RAB34: variants seen among roughly 807,000 people sequenced by gnomAD.
RAB34 encodes the protein ras-related protein Rab-34.
Under a neutral mutation model 39.0 loss-of-function variants are expected in RAB34, and 33 were observed. The observed-to-expected ratio is 0.85, with a 90% CI of 0.64 to 1.13. RAB34 has a LOEUF of 1.13. RAB34 is among the 50% of genes most tolerant of loss of function. The pLI, the probability that RAB34 is intolerant of heterozygous loss-of-function variation, is 0.00. For missense variants in RAB34, 289 were observed against 326.1 expected, an observed-to-expected ratio of 0.89 and a Z score of 0.88; for synonymous variants, 135 against 125.1, an observed-to-expected ratio of 1.08 and a Z score of -0.53.
At position 28,717,222 on chromosome 17, in the gene RAB34, C is replaced by A; in HGVS notation, c.45G>T (p.Glu15Asp). The change falls in exon 1 of 10, where the codon GAG (glutamate) becomes GAT (aspartate). Residue 15 changes from glutamate (E) to aspartate (D), a missense_variant. By Grantham distance (45) the Glu-to-Asp change is conservative (BLOSUM62 2). Coordinates refer to ENST00000395245, the MANE Select transcript of RAB34 (RefSeq NM_031934.6). The part of the protein sequence containing the change: ...APVRRDRVLA[E>D]LPQCLRKEAA... ...TGGCCCCGGCGCCTACCTGGGGCAG[C>A]TCCGCCAGGACGCGATCCCTCCGCA... The A allele has an allele frequency of 1.2e-6, 2 of 1,604,486 alleles. No individual in the cohort carries two copies. The highest frequency in any genetic ancestry group is 2.7e-5 in the African/African-American group (2 of 74,900).
upstream of RAB34, chr17:28,718,392 C>T (rs1347783957): frequency 5.3e-6 from 4 of 758,006 alleles, no homozygotes; most frequent in Non-Finnish European, 8.3e-6. Flanking sequence ...CGTCTGAAGT[C>T]TGGCGTCTTT....
In RAB34 at chr17:28,714,679, T is replaced by G; in HGVS notation, c.744A>C (p.Leu248=). 6.2e-7 allele frequency: 1 copy of G among 1,614,044 alleles called. No homozygotes were observed. Among genetic ancestry groups the G allele is most frequent in the Non-Finnish European group, 8.5e-7 (1 of 1,179,994 alleles). The part of the protein sequence containing the change: ...RINSDDSNLY[L]TASKKKPTCC... ...ATGTGGGCTTCTTCTTGCTGGCAGT[T>G]AGGTAGAGGTTGCTGTCATCACTGT... The change falls in exon 10 of 10, where the codon CTA becomes CTC. Residue 248 remains leucine, a synonymous_variant. Transcript: ENST00000395245.
At chr17:28,714,740 G>C in intron 9 of RAB34, 30 bp from the exon 10 acceptor site, 1 of 1,614,148 alleles carries the variant, frequency 6.2e-7, no homozygotes, top group South Asian at 1.1e-5. Flanking sequence ...ATGTGAAGCA[G>C]GGATTGGAGG....
chr17:28,715,458 G>A lies in RAB34; in HGVS notation c.429C>T (p.Thr143=). ...TATATTGCAGGATGCTCACTTACTTGGTATGTTCCAGAGATGCCACATCAT... is the reference window on the plus strand; with the variant it reads ...TATATTGCAGGATGCTCACTTACTTAGTATGTTCCAGAGATGCCACATCAT... ...NLNDVASLEH[T]KQWLADALKE... is the part of the protein sequence containing the mutation. The change falls in exon 6 of 10, where the codon ACC becomes ACT. Residue 143 remains threonine, a splice_region_variant and synonymous_variant. Transcript: ENST00000395245. 7 of 1,613,896 alleles carry A rather than the reference G, an allele frequency of 4.3e-6. No individual in the cohort carries two copies. The highest frequency in any genetic ancestry group is 5.9e-6 in the Non-Finnish European group (7 of 1,180,008).
chr17:28,717,066 T>C, intron 1 of RAB34, 72 bp from the exon 2 acceptor site: 1 of 1,584,334 alleles, frequency 6.3e-7, no homozygotes, highest in South Asian at 1.1e-5. Context: ...GCGGCCCGGG[T>C]AGGGGTGGAG....
rs758617907 is a variant in RAB34, at chr17:28,714,724, G to T, written c.713-14C>A. On this transcript the variant is annotated splice_polypyrimidine_tract_variant and intron_variant, in intron 9 of 9. Transcript: ENST00000395245. ...CACTGTTGATGCCTAAAGAAGGGTGGAAAATATGTGAAGCAGGGATTGGAG... is the reference window on the plus strand; with the variant it reads ...CACTGTTGATGCCTAAAGAAGGGTGTAAAATATGTGAAGCAGGGATTGGAG... The T allele has an allele frequency of 2.5e-6, 4 of 1,614,106 alleles. No homozygotes were observed. The South Asian group carries it at 4.4e-5, about 18-fold the overall frequency.
intron 2 of RAB34, 66 bp downstream of exon 2, chr17:28,716,837 T>G: frequency 1.9e-6 from 3 of 1,547,384 alleles, no homozygotes; most frequent in Non-Finnish European, 2.6e-6. Context: ...GGTGGTTGTT[T>G]ACCCTCGCTA....
Position 28,716,903 on chromosome 17 carries a change from C to G in RAB34, c.146G>C (p.Gly49Ala), listed in dbSNP as rs780553281. ...ACQEHRTGTVGFKISKVIVVG... is the reference protein window; with the variant it reads ...ACQEHRTGTVAFKISKVIVVG... ...TTTGTTGTGGGTGTCCCTAACTCAC[C>G]CCACGGTGCCTGTCCGGTGCTCCTG... The change falls in exon 2 of 10, where the codon GGA becomes GCA. Residue 49 changes from glycine (G) to alanine (A), a missense_variant and splice_region_variant. By Grantham distance (60) the Gly-to-Ala change is moderately conservative (BLOSUM62 0). Coordinates refer to ENST00000395245, the MANE Select transcript of RAB34 (RefSeq NM_031934.6). 3.4e-5 allele frequency: 55 copies of G among 1,611,504 alleles called. No homozygotes were observed. In the Admixed American group the frequency reaches 8.8e-4, roughly 26 times the overall value.
At position 28,717,459 on chromosome 17, in the gene RAB34, T is replaced by C; in HGVS notation, c.-193A>G. The C allele has an allele frequency of 6.8e-7, 1 of 1,460,512 alleles. No individual in the cohort carries two copies. The highest frequency in any genetic ancestry group is 9.0e-7 in the Non-Finnish European group (1 of 1,106,396). 90.5% of individuals were successfully genotyped at this position (1,460,512 alleles called of 1,614,324 possible). A position where few individuals can be genotyped will look rare whatever the true frequency, so the allele number is the denominator to read the frequency against. On this transcript the variant is annotated 5_prime_UTR_variant, in exon 1 of 10. Coordinates refer to ENST00000395245, the MANE Select transcript of RAB34 (RefSeq NM_031934.6). ...ACCGCGGGCCACGGAGATGAAACAATCACCCGGGGCCGCGGCGAGCCCAAA... is the reference window on the plus strand; with the variant it reads ...ACCGCGGGCCACGGAGATGAAACAACCACCCGGGGCCGCGGCGAGCCCAAA...
Position 28,717,688 on chromosome 17 carries a change from G to A in RAB34, c.-422C>T. ...GCCGCGGAGACCCGACGTCATCTCGGGGCTGAGGCTGCCCTACCATTACAG... is the reference window on the plus strand; with the variant it reads ...GCCGCGGAGACCCGACGTCATCTCGAGGCTGAGGCTGCCCTACCATTACAG... On this transcript the variant is annotated 5_prime_UTR_variant, in exon 1 of 10. Coordinates refer to ENST00000395245, the MANE Select transcript of RAB34 (RefSeq NM_031934.6). The A allele has an allele frequency of 2.2e-6, 3 of 1,362,948 alleles. No individual in the cohort carries two copies. Among genetic ancestry groups the A allele is most frequent in the Non-Finnish European group, 1.9e-6 (2 of 1,063,506 alleles). The allele number at this position is 1,362,948 out of a possible 1,614,324, so 84.4% of individuals were successfully genotyped here. A position where few individuals can be genotyped will look rare whatever the true frequency, so the allele number is the denominator to read the frequency against.
chr17:28,717,249 G>C lies in RAB34; in HGVS notation c.18C>G (p.Pro6=), dbSNP rs1315939915. The C allele has an allele frequency of 6.2e-7, 1 of 1,606,192 alleles. No homozygotes were observed. Among genetic ancestry groups the C allele is most frequent in the African/African-American group, 1.3e-5 (1 of 74,916 alleles). ...CCGCCAGGACGCGATCCCTCCGCAC[G>C]GGTGCCAGAATGTTCATCCTGCCTG... MNILA[P]VRRDRVLAEL... Residue 6 remains proline (P), a synonymous_variant, in exon 1 of 10, where the codon CCC becomes CCG. Transcript: ENST00000395245.
intron 8 of RAB34, 60 bp downstream of exon 8, chr17:28,714,972 A>G (rs966204283): frequency 1.3e-6 from 2 of 1,596,678 alleles, no homozygotes; most frequent in African/African-American, 2.7e-5. Flanking sequence ...CTGGAGGTGT[A>G]GCAGTGAGAG....
At chr17:28,717,991 C>T (rs1471528802), upstream of RAB34, 12 of 1,220,830 alleles carry the variant, frequency 9.8e-6, no homozygotes, top group Non-Finnish European at 1.2e-5. Flanking sequence ...CCCGCTCAGG[C>T]TCCCTCTTTT....
In RAB34 at chr17:28,717,624, C is replaced by T. The variant is rs527745575; in HGVS notation, c.-358G>A. On this transcript the variant is annotated 5_prime_UTR_variant, in exon 1 of 10. Coordinates refer to ENST00000395245, the MANE Select transcript of RAB34 (RefSeq NM_031934.6). ...ATTACGCGGGGCCGGATAGTTCCTA[C>T]GATTACGCGGGGCCGGATGGTTCCT... The T allele has an allele frequency of 1.5e-4, 205 of 1,385,838 alleles. No homozygotes were observed. Among genetic ancestry groups the T allele is most frequent in the Non-Finnish European group, 1.8e-4 (196 of 1,075,092 alleles). 85.8% of individuals were successfully genotyped at this position (1,385,838 alleles called of 1,614,324 possible). A position where few individuals can be genotyped will look rare whatever the true frequency, so the allele number is the denominator to read the frequency against.
At position 28,717,538 on chromosome 17, in the gene RAB34, G is replaced by C; in HGVS notation, c.-272C>G. ...TGACTCTGGGGCGAGGAGACTCTTC[G>C]GCCGCCAATTGGGGGCGGGGAGTCC... On this transcript the variant is annotated 5_prime_UTR_variant, in exon 1 of 10. Transcript: ENST00000395245. 7.0e-7 allele frequency: 1 copy of C among 1,420,134 alleles called. No homozygotes were observed. The highest frequency in any genetic ancestry group is 9.2e-7 in the Non-Finnish European group (1 of 1,090,540). 88.0% of individuals were successfully genotyped at this position (1,420,134 alleles called of 1,614,324 possible). A position where few individuals can be genotyped will look rare whatever the true frequency, so the allele number is the denominator to read the frequency against.
In RAB34 at chr17:28,716,961, T is replaced by C. The variant is rs151293243; in HGVS notation, c.88A>G (p.Lys30Glu). The change falls in exon 2 of 10, where the codon AAA (lysine) becomes GAA (glutamate). Residue 30 changes from lysine to glutamate, a missense_variant. Lys to Glu is a moderately conservative substitution (Grantham distance 56). Transcript: ENST00000395245. ...LRKEAALHGHKDFHPRVTCAC... is the reference protein window; with the variant it reads ...LRKEAALHGHEDFHPRVTCAC... ...CAGGTGACGCGGGGGTGGAAGTCTT[T>C]GTGCCCGTGCAAAGCGGCCTCCTTC... 53 of 1,613,580 alleles carry C rather than the reference T, an allele frequency of 3.3e-5. No individual in the cohort carries two copies. Among genetic ancestry groups the C allele is most frequent in the Non-Finnish European group, 4.5e-5 (53 of 1,179,936 alleles).
chr17:28,717,939 G>GCCCCCC, upstream of RAB34: 1 of 1,206,612 alleles, frequency 8.3e-7, no homozygotes, highest in Non-Finnish European at 1.1e-6. Context: ...AGGCCTCGCT[G>GCCCCCC]CCCGCCCTCG....
At chr17:28,716,198 C>G in intron 2 of RAB34, 140 bp from the exon 3 acceptor site, 1 of 1,160,456 alleles carries the variant, frequency 8.6e-7, no homozygotes, top group African/African-American at 1.6e-5. Context: ...CAGGCAGCTG[C>G]GTGGACAGGT....
Position 28,717,335 on chromosome 17 carries a change from C to T in RAB34, c.-69G>A, listed in dbSNP as rs753458633. On this transcript the variant is annotated 5_prime_UTR_variant, in exon 1 of 10. Transcript: ENST00000395245. ...CGGATCCGCGTCAGCGACCCGGGCGCGTGGAGACCCGACGATCACCCGCGG... is the reference window on the plus strand; with the variant it reads ...CGGATCCGCGTCAGCGACCCGGGCGTGTGGAGACCCGACGATCACCCGCGG... The T allele has an allele frequency of 1.1e-5, 17 of 1,539,402 alleles. No homozygotes were observed. The South Asian group carries it at 1.7e-4, about 15-fold the overall frequency.
Sources: gnomAD v4.1 joint callset for allele counts on GRCh38, gnomAD v4.1.1 for gene constraint, MANE v1.5 for transcripts, NCBI Gene and HGNC (gene_info 2026-07-23, HGNC 2026-07-21) for gene names.